KIF5A: variants seen among roughly 807,000 people sequenced by gnomAD.
The protein encoded by KIF5A is kinesin family member 5A, also known as kinesin heavy chain isoform 5A.
In KIF5A, 35 loss-of-function variants were observed where a neutral mutation model predicts 141.3. That is an observed-to-expected ratio of 0.25 (90% CI 0.19 to 0.33). The LOEUF is 0.33. KIF5A is among the 10% of genes least tolerant of loss of function. The pLI, the probability that KIF5A is intolerant of heterozygous loss-of-function variation, is 1.00. For synonymous variants in KIF5A, 448 were observed against 500.2 expected (o/e 0.90, Z 1.39); for missense variants, 861 against 1,314.3 (o/e 0.66, Z 5.33).
intron 6 of KIF5A, among the ~76,000 whole-genome samples, chr12:57,565,412 A>G (rs897817702): frequency 6.6e-6 from 1 of 151,612 alleles, no homozygotes; most frequent in Non-Finnish European, 1.5e-5. Flanking sequence ...CAGAGTGAGA[A>G]CCTGTCTTTA....
In KIF5A at chr12:57,550,498, C is replaced by G. The variant is rs1286275348; in HGVS notation, c.129+98C>G. ...GTCTCTGCTGGTCCCTTTGCTCCCC[C>G]TCCCCGCCGCTCATCCTTCATCCTC... On this transcript the variant is annotated intron_variant, in intron 1 of 28. Coordinates refer to ENST00000455537, the MANE Select transcript of KIF5A (RefSeq NM_004984.4). This position sits in a 1 kb window ranked among gnomAD's most constrained non-coding sequence, Gnocchi z 4.6. The G allele has an allele frequency of 1.3e-5, 16 of 1,234,626 alleles. No individual in the cohort carries two copies. The highest frequency in any genetic ancestry group is 1.9e-5 in the Admixed American group (1 of 52,072). 76.5% of individuals were successfully genotyped at this position (1,234,626 alleles called of 1,614,324 possible). A position where few individuals can be genotyped will look rare whatever the true frequency, so the allele number is the denominator to read the frequency against.
chr12:57,550,058 G>C lies in KIF5A; in HGVS notation c.-214G>C, dbSNP rs551618256. 1.9e-5 allele frequency: 11 copies of C among 592,420 alleles called. No individual in the cohort carries two copies. In the South Asian group the frequency reaches 1.9e-4, roughly 10 times the overall value. 36.7% of individuals were successfully genotyped at this position (592,420 alleles called of 1,614,324 possible). On this transcript the variant is annotated 5_prime_UTR_variant, in exon 1 of 29. Transcript: ENST00000455537. The surrounding 1 kb of genome is among the most constrained non-coding windows in gnomAD (Gnocchi z 4.6). ...GGCGGAGAGGCAGAGAGCCCGAAAG[G>C]ACCAGACGCCCAGGTCGCCCGCATC... is the stretch of plus-strand genomic sequence containing the variant.
At chr12:57,570,628 G>T (rs1433534755) in intron 12 of KIF5A, among the ~76,000 whole-genome samples, 3 of 151,820 alleles carry the variant, frequency 2.0e-5, no homozygotes, top group African/African-American at 4.8e-5. Context: ...CTGGCGATCC[G>T]CCCGCCTCGG....
intron 15 of KIF5A, 75 bp from the exon 16 acceptor site, chr12:57,575,009 A>G: frequency 7.4e-7 from 1 of 1,355,654 alleles, no homozygotes; most frequent in Non-Finnish European, 1.1e-6. Context: ...GTGTATGGGT[A>G]GGTAGAAGGT....
intron 23 of KIF5A, among the ~76,000 whole-genome samples, chr12:57,580,406 T>C (rs1332093996): frequency 1.3e-5 from 2 of 152,204 alleles, no homozygotes; most frequent in Admixed American, 6.5e-5. Context: ...GGGCTCTGCC[T>C]GTCTATATGT....
intron 7 of KIF5A, 136 bp from the exon 8 acceptor site, chr12:57,567,358 G>A (rs1027250755): frequency 1.6e-4 from 208 of 1,270,412 alleles, no homozygotes; most frequent in Non-Finnish European, 2.2e-4. Context: ...CTGCTGCCTG[G>A]GAGATGTGGC....
intron 21 of KIF5A, 99 bp downstream of exon 21, chr12:57,577,872 G>A: frequency 7.9e-7 from 1 of 1,271,698 alleles, no homozygotes; most frequent in Non-Finnish European, 1.1e-6. Context: ...CAGCCATTCT[G>A]TAGCGTAATC....
rs1882302547 is a variant in KIF5A, at chr12:57,572,938, C to T, written c.1716+212C>T. Among the ~76,000 whole-genome samples the T allele has an allele frequency of 6.6e-6, 1 of 152,214 alleles. No individual in the cohort carries two copies. Among genetic ancestry groups the T allele is most frequent in the Non-Finnish European group, 1.5e-5 (1 of 68,032 alleles). On this transcript the variant is annotated intron_variant, in intron 15 of 28. Coordinates refer to ENST00000455537, the MANE Select transcript of KIF5A (RefSeq NM_004984.4). This position sits in a 1 kb window ranked among gnomAD's most constrained non-coding sequence, Gnocchi z 4.2. ...GGCGCAGTGGCTCACCGCTGTAATC[C>T]CAGCACTTTGGGAGGCCGAGGCAGG... is the stretch of plus-strand genomic sequence containing the variant.
At chr12:57,554,423 G>C (rs940744774) in intron 1 of KIF5A, among the ~76,000 whole-genome samples, 1 of 152,176 alleles carries the variant, frequency 6.6e-6, no homozygotes, top group Admixed American at 6.5e-5. Flanking sequence ...TATTTTATAT[G>C]CTATCTCCCC....
chr12:57,576,895 G>C, intron 20 of KIF5A, 33 bp downstream of exon 20: 1 of 1,498,836 alleles, frequency 6.7e-7, no homozygotes, highest in Non-Finnish European at 9.3e-7. Flanking sequence ...TAAAACTACA[G>C]CCTTGTAGGC....
Position 57,550,464 on chromosome 12 carries a change from A to G in KIF5A, c.129+64A>G. 6.4e-7 allele frequency: 1 copy of G among 1,566,170 alleles called. No homozygotes were observed. The highest frequency in any genetic ancestry group is 1.1e-5 in the South Asian group (1 of 89,930). On this transcript the variant is annotated intron_variant, in intron 1 of 28. Coordinates refer to ENST00000455537, the MANE Select transcript of KIF5A (RefSeq NM_004984.4). This position sits in a 1 kb window ranked among gnomAD's most constrained non-coding sequence, Gnocchi z 4.6. ...GTGGCTGAATCTCCCCGCCCCCCGC[A>G]GAGCCTTAGTCTCTGCTGGTCCCTT...
chr12:57,567,448 A>G, intron 7 of KIF5A, 46 bp from the exon 8 acceptor site: 1 of 1,610,174 alleles, frequency 6.2e-7, no homozygotes, highest in African/African-American at 1.3e-5. Context: ...TGAGGACCTC[A>G]GTTCTGCAGG....
Position 57,576,754 on chromosome 12 carries a change from T to G in KIF5A, c.2199-7T>G. ...CCCCATCTCCATTACCTTCTGATGC[T>G]CTGTAGCCTAAATCAGAAGCTCCAG... On this transcript the variant is annotated splice_polypyrimidine_tract_variant and splice_region_variant and intron_variant, in intron 19 of 28. Transcript: ENST00000455537. The G allele has an allele frequency of 6.2e-7, 1 of 1,605,612 alleles. No homozygotes were observed. Among genetic ancestry groups the G allele is most frequent in the African/African-American group, 1.3e-5 (1 of 74,890 alleles).
chr12:57,573,660 T>C (rs760747198), intron 15 of KIF5A, among the ~76,000 whole-genome samples: 6 of 151,926 alleles, frequency 3.9e-5, no homozygotes, highest in Non-Finnish European at 5.9e-5. Context: ...AGAAACTCCG[T>C]GTCTACTAAA....
chr12:57,569,964 C>T (rs765953473), intron 11 of KIF5A, 23 bp from the exon 12 acceptor site: 1 of 1,610,748 alleles, frequency 6.2e-7, no homozygotes, highest in Admixed American at 1.7e-5. Flanking sequence ...TTCCATCTCT[C>T]ACCTCGTCTT....
intron 28 of KIF5A, among the ~76,000 whole-genome samples, chr12:57,583,978 C>T (rs1389457331): frequency 6.6e-6 from 1 of 152,064 alleles, no homozygotes; most frequent in African/African-American, 2.4e-5. Context: ...GAATAGTAAA[C>T]CAGGCACACA....
In KIF5A at chr12:57,568,959, G is replaced by A; in HGVS notation, c.715-4G>A. The stretch of plus-strand genomic sequence containing the variant: ...TACACACTCATCTCTTACTGCCCTG[G>A]TAGGTCAGCAAGACTGGAGCAGAGG... On this transcript the variant is annotated splice_region_variant and splice_polypyrimidine_tract_variant and intron_variant, in intron 8 of 28. Coordinates refer to ENST00000455537, the MANE Select transcript of KIF5A (RefSeq NM_004984.4). The A allele has an allele frequency of 6.2e-7, 1 of 1,607,544 alleles. No homozygotes were observed. Among genetic ancestry groups the A allele is most frequent in the Non-Finnish European group, 8.5e-7 (1 of 1,174,384 alleles).
At chr12:57,580,718 A>G (rs1362520468) in intron 23 of KIF5A, among the ~76,000 whole-genome samples, 1 of 152,204 alleles carries the variant, frequency 6.6e-6, no homozygotes, top group Non-Finnish European at 1.5e-5. Flanking sequence ...AGAAAATTAT[A>G]TAACTTTTAA....
rs1256355579 is a variant in KIF5A, at chr12:57,581,049, G to A, written c.2632G>A (p.Ala878Thr). Residue 878 changes from alanine to threonine, a missense_variant, in exon 24 of 29, where the codon GCA becomes ACA. Ala to Thr is a moderately conservative substitution (Grantham distance 58). Around this residue, in one of 5 missense-constraint regions of KIF5A, gnomAD observed 482 missense variants for 661.3 expected, o/e 0.73. Transcript: ENST00000455537. ...TAERVKALEGALKEAKEGAMK... is the reference protein window; with the variant it reads ...TAERVKALEGTLKEAKEGAMK... ...TGAGAGAGTTAAGGCCCTGGAGGGT[G>A]CACTGAAGGAGGCCAAGGAGGGCGC... The A allele has an allele frequency of 2.5e-6, 4 of 1,613,984 alleles. No individual in the cohort carries two copies. The highest frequency in any genetic ancestry group is 2.2e-5 in the East Asian group (1 of 44,882).
Sources: allele counts gnomAD v4.1 joint callset (sites outside exome capture counted in the v4.1 genomes callset), GRCh38; gene constraint gnomAD v4.1.1; regional missense constraint gnomAD v4.1.1; non-coding constraint Gnocchi (gnomAD v3.1); transcripts MANE v1.5; gene names NCBI Gene and HGNC (gene_info 2026-07-23, HGNC 2026-07-21).